The following CNTNAP2 variants were observed in gnomAD, a reference collection of about 807,000 sequenced individuals.
The protein encoded by CNTNAP2 is contactin-associated protein-like 2.
CNTNAP2 carries 98 observed loss-of-function variants against 155.2 expected under a neutral mutation model. The ratio of observed to expected loss-of-function variants is 0.63; its 90% CI spans 0.54 to 0.75. CNTNAP2 has a LOEUF of 0.75. Ranked by LOEUF, CNTNAP2 falls within the 30% of genes least tolerant of loss-of-function variation. CNTNAP2 has a pLI of 0.00. For missense variants in CNTNAP2, 1,727 were observed against 1,688.1 expected, an observed-to-expected ratio of 1.02 and a Z score of -0.40; for synonymous variants, 651 against 631.2, an observed-to-expected ratio of 1.03 and a Z score of -0.47.
rs1799768472 is a variant in CNTNAP2 at position 147,065,835 on chromosome 7, A to G, written c.550+21781A>G. ...GTAGAAATTATTATAAGTAAAAATCATTAGAAATATATTTCTGATTTTACT... is the reference window on the plus strand; with the variant it reads ...GTAGAAATTATTATAAGTAAAAATCGTTAGAAATATATTTCTGATTTTACT... On this transcript the variant is annotated intron_variant, in intron 4 of 23. Transcript: ENST00000361727. Among the ~76,000 whole-genome samples the G allele has an allele frequency of 2.0e-5, 3 of 152,144 alleles. No individual in the cohort carries two copies. The South Asian group carries it at 6.2e-4, about 31-fold the overall frequency.
At chr7:146,728,207 A>T (rs766637718) in intron 1 of CNTNAP2, among the ~76,000 whole-genome samples, 5 of 152,154 alleles carry the variant, frequency 3.3e-5, no homozygotes, top group Non-Finnish European at 7.4e-5. Flanking sequence ...TAAAGCGTTC[A>T]TCTTGAGAAA....
chr7:147,297,875 C>G (rs1017898286), intron 8 of CNTNAP2, among the ~76,000 whole-genome samples: 9 of 152,146 alleles, frequency 5.9e-5, no homozygotes, highest in African/African-American at 2.2e-4. Context: ...AGTGCTGCAA[C>G]AAACATAGGA....
chr7:146,541,896 T>A (rs760976438), intron 1 of CNTNAP2, among the ~76,000 whole-genome samples: 1 of 152,024 alleles, frequency 6.6e-6, no homozygotes, highest in Non-Finnish European at 1.5e-5. Context: ...ATTCTTGAAT[T>A]TCCCATATTG....
intron 1 of CNTNAP2, among the ~76,000 whole-genome samples, chr7:146,148,756 C>T (rs1797991226): frequency 6.6e-6 from 1 of 151,976 alleles, no homozygotes; most frequent in Non-Finnish European, 1.5e-5. Context: ...TTCTATTATA[C>T]ACAGGAGAAC....
At chr7:147,773,353 A>G (rs1797504543) in intron 13 of CNTNAP2, among the ~76,000 whole-genome samples, 1 of 152,148 alleles carries the variant, frequency 6.6e-6, no homozygotes, top group African/African-American at 2.4e-5. Context: ...CTAGTTAGTT[A>G]TAACTAGAGG....
At chr7:146,878,785 T>C (rs1423993951) in intron 3 of CNTNAP2, among the ~76,000 whole-genome samples, 1 of 152,132 alleles carries the variant, frequency 6.6e-6, no homozygotes, top group African/African-American at 2.4e-5. Context: ...CTGTTTGCCT[T>C]ACCTGCCGAT....
intron 15 of CNTNAP2, among the ~76,000 whole-genome samples, chr7:148,053,309 T>G (rs1802929493): frequency 6.6e-6 from 1 of 152,210 alleles, no homozygotes; most frequent in Non-Finnish European, 1.5e-5. Context: ...AAATACACAT[T>G]ATTCATATAC....
chr7:148,301,850 T>C (rs772632343), intron 21 of CNTNAP2, among the ~76,000 whole-genome samples: 7 of 152,286 alleles, frequency 4.6e-5, no homozygotes, highest in Non-Finnish European at 8.8e-5. Flanking sequence ...GGAGGACCCA[T>C]GGGTGACTTT....
rs75666711 is a variant in CNTNAP2, at chr7:147,761,245, T to A, written c.2098+121939T>A. 3.5e-4 allele frequency among the ~76,000 whole-genome samples: 53 copies of A among 152,344 alleles called. No homozygotes were observed. The East Asian group carries it at 9.4e-3, about 27-fold the overall frequency. ...GAAACTTCCTGAATGCTGCTGAAAC[T>A]GACGTGAATTTTTTCCTTTGCATAA... is the stretch of plus-strand genomic sequence containing the variant. On this transcript the variant is annotated intron_variant, in intron 13 of 23. Transcript: ENST00000361727.
At chr7:147,607,148 C>T (rs1801084669) in intron 12 of CNTNAP2, among the ~76,000 whole-genome samples, 1 of 152,150 alleles carries the variant, frequency 6.6e-6, no homozygotes, top group South Asian at 2.1e-4. Flanking sequence ...GCTGCAGTGA[C>T]TAGAGACTGA....
chr7:147,132,279 C>T lies in CNTNAP2; in HGVS notation c.1118C>T (p.Thr373Met), dbSNP rs149576292. The T allele has an allele frequency of 1.5e-5, 25 of 1,613,566 alleles. No homozygotes were observed. The highest frequency in any genetic ancestry group is 2.2e-5 in the South Asian group (2 of 91,090). The change falls in exon 8 of 24, where the codon ACG becomes ATG. Residue 373 changes from threonine (T) to methionine (M), a missense_variant. By Grantham distance (81) the Thr-to-Met change is moderately conservative (BLOSUM62 -1). Coordinates refer to ENST00000361727, the MANE Select transcript of CNTNAP2 (RefSeq NM_014141.6). ...NLSFSCVEPYTVPVFFNATSY... is the reference protein window; with the variant it reads ...NLSFSCVEPYMVPVFFNATSY... ...AGCTTTTCTTGTGTGGAACCCTATA[C>T]GGTGCCTGTCTTTTTCAACGCTACA...
At chr7:146,919,903 C>T (rs1796467167) in intron 3 of CNTNAP2, among the ~76,000 whole-genome samples, 1 of 152,130 alleles carries the variant, frequency 6.6e-6, no homozygotes, top group South Asian at 2.1e-4. Flanking sequence ...ATGTGGGTCT[C>T]CACATGCTGC....
intron 21 of CNTNAP2, among the ~76,000 whole-genome samples, chr7:148,288,061 A>G (rs1797117220): frequency 6.8e-6 from 1 of 147,248 alleles, no homozygotes; most frequent in Non-Finnish European, 1.5e-5. Context: ...AAGTGCGGGG[A>G]TTACAGGCGT....
chr7:146,641,981 A>C (rs1799716159), intron 1 of CNTNAP2, among the ~76,000 whole-genome samples: 1 of 152,140 alleles, frequency 6.6e-6, no homozygotes, highest in South Asian at 2.1e-4. Flanking sequence ...AACATTCAAG[A>C]AAAGAACATG....
At chr7:148,054,447 C>CTTT (rs61157011) in intron 15 of CNTNAP2, among the ~76,000 whole-genome samples, 13 of 73,072 alleles carry the variant, frequency 1.8e-4, no homozygotes, top group African/African-American at 4.8e-4. Flanking sequence ...TCTCAGTGGC[C>CTTT]TTTTTTTTTT....
chr7:147,220,517 C>T (rs1324265221), intron 8 of CNTNAP2, among the ~76,000 whole-genome samples: 1 of 152,112 alleles, frequency 6.6e-6, no homozygotes, highest in African/African-American at 2.4e-5. Flanking sequence ...TACCAGCATA[C>T]CAACTATACC....
At chr7:146,153,568 C>T (rs1453735500) in intron 1 of CNTNAP2, among the ~76,000 whole-genome samples, 4 of 152,130 alleles carry the variant, frequency 2.6e-5, no homozygotes, top group Non-Finnish European at 5.9e-5. Flanking sequence ...CTGAGACTAT[C>T]AGTACAAGGA....
At chr7:147,194,840 A>G (rs1483077315) in intron 8 of CNTNAP2, among the ~76,000 whole-genome samples, 1 of 152,124 alleles carries the variant, frequency 6.6e-6, no homozygotes, top group African/African-American at 2.4e-5. Context: ...AGATGGGTAG[A>G]TTGCAAAAAT....
intron 4 of CNTNAP2, among the ~76,000 whole-genome samples, chr7:147,083,563 TACACATATATATGTATATATATATAC>T (rs1563070325): frequency 6.6e-5 from 9 of 136,176 alleles, no homozygotes; most frequent in Non-Finnish European, 1.1e-4. Context: ...TATATATATA[TACACATATATATGTATATATATATAC>T]ACACACACGT....
Sources: allele counts gnomAD v4.1 joint callset (sites outside exome capture counted in the v4.1 genomes callset), GRCh38; gene constraint gnomAD v4.1.1; transcripts MANE v1.5; gene names NCBI Gene and HGNC (gene_info 2026-07-23, HGNC 2026-07-21).